The following TIAM2 variants were observed in gnomAD, a reference collection of about 807,000 sequenced individuals.
The protein encoded by TIAM2 is TIAM Rac1 associated GEF 2.
A neutral mutation model predicts 152.9 loss-of-function variants in TIAM2; 80 were observed. That is an observed-to-expected ratio of 0.52 (90% confidence interval 0.44 to 0.63). The LOEUF is 0.63. Among genes scored for constraint, TIAM2 ranks in the 30% least tolerant of loss-of-function variants. The pLI, the probability that TIAM2 is intolerant of heterozygous loss-of-function variation, is 0.00. For missense variants in TIAM2, 1,965 were observed against 2,120.1 expected (o/e 0.93, Z 1.44); for synonymous variants, 804 against 838.0 (o/e 0.96, Z 0.70).
chr6:155,190,471 T>C (rs1781170046), intron 14 of TIAM2, among the ~76,000 whole-genome samples: 1 of 152,230 alleles, frequency 6.6e-6, no homozygotes, highest in East Asian at 1.9e-4. Flanking sequence ...AACATCCTGC[T>C]GGCCTGTGAC....
chr6:155,249,767 A>G (rs1267725425), intron 20 of TIAM2, 84 bp from the exon 21 acceptor site: 81 of 1,193,976 alleles, frequency 6.8e-5, no homozygotes, highest in Non-Finnish European at 9.0e-5. Context: ...CCTGAGTTGA[A>G]TCTTGACTCC....
At chr6:155,027,246 T>C (rs1057146007) in intron 1 of TIAM2, among the ~76,000 whole-genome samples, 1 of 151,116 alleles carries the variant, frequency 6.6e-6, no homozygotes, top group Non-Finnish European at 1.5e-5. Context: ...GGATGGTCTC[T>C]TACTCCTGAC....
intron 15 of TIAM2, among the ~76,000 whole-genome samples, chr6:155,221,292 T>A (rs1314731204): frequency 6.6e-6 from 1 of 152,088 alleles, no homozygotes; most frequent in African/African-American, 2.4e-5. Context: ...TCAGGTGGAA[T>A]GCTGGCTCTG....
At chr6:155,018,236 G>GA (rs66755799) in intron 1 of TIAM2, among the ~76,000 whole-genome samples, 133,664 of 143,136 alleles carry the variant, frequency 0.93, 62,684 homozygotes, top group East Asian at 1. Flanking sequence ...AGACTGTCTC[G>GA]AAAAAAAAAA....
chr6:155,074,687 TATC>T (rs1777914445), intron 1 of TIAM2, among the ~76,000 whole-genome samples: 1 of 152,088 alleles, frequency 6.6e-6, no homozygotes, highest in Non-Finnish European at 1.5e-5. Flanking sequence ...TCCAAATTAT[TATC>T]AAGAAGGCTT....
chr6:155,234,084 T>A (rs1440715592), intron 15 of TIAM2, among the ~76,000 whole-genome samples: 1 of 152,178 alleles, frequency 6.6e-6, no homozygotes, highest in Non-Finnish European at 1.5e-5. Flanking sequence ...AATCTTTTTA[T>A]GACTTCTTAA....
intron 1 of TIAM2, among the ~76,000 whole-genome samples, chr6:155,017,428 G>T (rs537859060): frequency 6.6e-6 from 1 of 152,042 alleles, no homozygotes; most frequent in African/African-American, 2.4e-5. Flanking sequence ...GCTTGGGTGG[G>T]GCAGCAGCTT....
intron 1 of TIAM2, among the ~76,000 whole-genome samples, chr6:155,028,812 A>G (rs146818405): frequency 0.027 from 2,422 of 90,952 alleles, 149 homozygotes; most frequent in Middle Eastern, 0.077. Context: ...TATACTATAT[A>G]TAATATATAT....
In TIAM2 at chr6:155,129,189, T is replaced by G; in HGVS notation, c.-6-29T>G. The stretch of plus-strand genomic sequence containing the variant: ...TAATGGAATGTAATTTAGGCCACGG[T>G]CTTACTGATGCAACTGTTCTTAATT... On this transcript the variant is annotated intron_variant, in intron 3 of 26. Coordinates refer to ENST00000682666, the MANE Select transcript of TIAM2 (RefSeq NM_012454.4). The surrounding 1 kb of genome is among the most constrained non-coding windows in gnomAD (Gnocchi z 4.8). 6.3e-7 allele frequency: 1 copy of G among 1,593,304 alleles called. No individual in the cohort carries two copies. The highest frequency in any genetic ancestry group is 8.6e-7 in the Non-Finnish European group (1 of 1,163,994).
At chr6:155,085,389 C>T (rs1778152946) in intron 1 of TIAM2, among the ~76,000 whole-genome samples, 1 of 152,108 alleles carries the variant, frequency 6.6e-6, no homozygotes, top group Admixed American at 6.6e-5. Flanking sequence ...CTCTTTCCTT[C>T]CCCACCTTTT....
At chr6:155,099,705 G>A (rs1474903569) in intron 2 of TIAM2, among the ~76,000 whole-genome samples, 1 of 152,162 alleles carries the variant, frequency 6.6e-6, no homozygotes, top group East Asian at 1.9e-4. Context: ...GTTATATTTA[G>A]GATTTGTCTG....
Position 155,214,061 on chromosome 6 carries a change from T to C in TIAM2, c.3168+2754T>C, listed in dbSNP as rs2115222320. ...CCGGGAGGGCGGGGCTCCTTCCTGCTCCTGGCCCCCAAGAACACAGGGATG... is the reference window on the plus strand; with the variant it reads ...CCGGGAGGGCGGGGCTCCTTCCTGCCCCTGGCCCCCAAGAACACAGGGATG... On this transcript the variant is annotated intron_variant, in intron 15 of 26. Coordinates refer to ENST00000682666, the MANE Select transcript of TIAM2 (RefSeq NM_012454.4). This position sits in a 1 kb window ranked among gnomAD's most constrained non-coding sequence, Gnocchi z 5.4. Among the ~76,000 whole-genome samples, 1 of 152,270 alleles carries C rather than the reference T, an allele frequency of 6.6e-6. No individual in the cohort carries two copies.
chr6:155,147,238 T>A (rs1042370356), intron 6 of TIAM2, among the ~76,000 whole-genome samples: 2 of 150,526 alleles, frequency 1.3e-5, no homozygotes, highest in Admixed American at 6.7e-5. Context: ...GTTTCAAAAT[T>A]TCATATTCTA....
At chr6:155,179,555 A>G (rs2115135951) in intron 12 of TIAM2, 99 bp downstream of exon 12, 1 of 1,057,632 alleles carries the variant, frequency 9.5e-7, no homozygotes, top group South Asian at 1.6e-5. Context: ...TTACATTCAC[A>G]TTTTCAGAAT....
chr6:155,214,890 C>T lies in TIAM2; in HGVS notation c.3168+3583C>T, dbSNP rs1781815149. Among the ~76,000 whole-genome samples, 1 of 152,108 alleles carries T rather than the reference C, an allele frequency of 6.6e-6. No homozygotes were observed. Among genetic ancestry groups the T allele is most frequent in the South Asian group, 2.1e-4 (1 of 4,822 alleles). ...TCCTGGGCTCAAGAGATCCTACTGCCCCGGCCTCCTGAAGTACTGGAATTA... is the reference window on the plus strand; with the variant it reads ...TCCTGGGCTCAAGAGATCCTACTGCTCCGGCCTCCTGAAGTACTGGAATTA... On this transcript the variant is annotated intron_variant, in intron 15 of 26. Transcript: ENST00000682666. The surrounding 1 kb of genome is among the most constrained non-coding windows in gnomAD (Gnocchi z 5.4).
At chr6:155,023,604 T>C (rs1359798480) in intron 1 of TIAM2, among the ~76,000 whole-genome samples, 1 of 152,098 alleles carries the variant, frequency 6.6e-6, no homozygotes, top group East Asian at 1.9e-4. Flanking sequence ...TGATGAGTTA[T>C]TTGCAGTTGG....
rs1440945229 is a variant in TIAM2 at position 155,174,364 on chromosome 6, C to G, written c.2362-2452C>G. The stretch of plus-strand genomic sequence containing the variant: ...CAGGAGCTTGTTTCATTTGGTCTCA[C>G]GAGATGCAGTCTTTTTTTTTTTTTG... On this transcript the variant is annotated intron_variant, in intron 9 of 26. Coordinates refer to ENST00000682666, the MANE Select transcript of TIAM2 (RefSeq NM_012454.4). This position sits in a 1 kb window ranked among gnomAD's most constrained non-coding sequence, Gnocchi z 4.2. Among the ~76,000 whole-genome samples, 1 of 151,416 alleles carries G rather than the reference C, an allele frequency of 6.6e-6. No individual in the cohort carries two copies. Among genetic ancestry groups the G allele is most frequent in the Non-Finnish European group, 1.5e-5 (1 of 67,918 alleles).
chr6:155,252,177 T>C (rs1452880225), intron 23 of TIAM2, among the ~76,000 whole-genome samples, 174 bp downstream of exon 23: 1 of 152,146 alleles, frequency 6.6e-6, no homozygotes, highest in Non-Finnish European at 1.5e-5. Flanking sequence ...CCATGAAAGA[T>C]GTCTGTTTTA....
intron 2 of TIAM2, among the ~76,000 whole-genome samples, chr6:155,116,455 G>A (rs998226996): frequency 9.2e-5 from 14 of 152,296 alleles, no homozygotes; most frequent in South Asian, 6.2e-4. Flanking sequence ...TGAAGGTGGG[G>A]AAAGCACCCA....
Sources: gnomAD v4.1 joint callset for allele counts (sites outside exome capture counted in the v4.1 genomes callset) on GRCh38, gnomAD v4.1.1 for gene constraint, Gnocchi (gnomAD v3.1) non-coding constraint, MANE v1.5 for transcripts, NCBI Gene and HGNC (gene_info 2026-07-23, HGNC 2026-07-21) for gene names.